The following USP33 variants were observed in gnomAD, a reference collection of about 807,000 sequenced individuals.
USP33 encodes ubiquitin specific peptidase 33.
In USP33, 46 loss-of-function variants were observed where a neutral mutation model predicts 124.2. The observed-to-expected ratio is 0.37, with a 90% confidence interval of 0.29 to 0.47. The LOEUF is 0.47. USP33 is among the 20% of genes least tolerant of loss of function. USP33 has a pLI of 0.99. For synonymous variants in USP33, 350 were observed against 352.3 expected (o/e 0.99, Z 0.07); for missense variants, 851 against 1,070.6 (o/e 0.79, Z 2.86).
At chr1:77,750,628 GAA>G (rs202159259) in intron 1 of USP33, among the ~76,000 whole-genome samples, 261 of 35,430 alleles carry the variant, frequency 7.4e-3, no homozygotes, top group Non-Finnish European at 0.011. Context: ...ACTTAAAAAA[GAA>G]AGAAAGAAAG....
chr1:77,722,109 G>A lies in USP33; in HGVS notation c.1477C>T (p.Pro493Ser). Residue 493 changes from proline to serine, a missense_variant, in exon 13 of 24, where the codon CCA becomes TCA. Pro to Ser is a moderately conservative substitution (Grantham distance 74). Coordinates refer to ENST00000370794, the MANE Select transcript of USP33 (RefSeq NM_201624.3). ...DLAKLHSSSH[P>S]TSIVKAGSCG... ...GATCCTGCTTTGACTATAGAAGTTGGATGACTTGATGAATGCAGCTTAGCA... is the reference window on the plus strand; with the variant it reads ...GATCCTGCTTTGACTATAGAAGTTGAATGACTTGATGAATGCAGCTTAGCA... 1 of 1,614,104 alleles carries A rather than the reference G, an allele frequency of 6.2e-7. No homozygotes were observed. Among genetic ancestry groups the A allele is most frequent in the Non-Finnish European group, 8.5e-7 (1 of 1,179,970 alleles).
chr1:77,734,145 G>A (rs1006581466), intron 7 of USP33, among the ~76,000 whole-genome samples: 1 of 152,116 alleles, frequency 6.6e-6, no homozygotes, highest in Non-Finnish European at 1.5e-5. Context: ...CAACTACCCA[G>A]GGTTTACACA....
chr1:77,702,690 T>C (rs1674178391), intron 21 of USP33, among the ~76,000 whole-genome samples: 1 of 152,134 alleles, frequency 6.6e-6, no homozygotes. Context: ...TTCAGGTAGA[T>C]ACTCAGGGCT....
intron 19 of USP33, 194 bp from the exon 20 acceptor site, chr1:77,713,475 C>A: frequency 2.1e-6 from 1 of 487,704 alleles, no homozygotes; most frequent in Non-Finnish European, 3.5e-6. Flanking sequence ...CCTCAAAATT[C>A]CTGGGCTCAA....
chr1:77,736,713 G>A (rs771605174), intron 5 of USP33, among the ~76,000 whole-genome samples: 17 of 151,842 alleles, frequency 1.1e-4, no homozygotes, highest in Non-Finnish European at 2.1e-4. Context: ...GGGTTCAAAC[G>A]CTTCTCCTGC....
rs1243499199 is a variant in USP33, at chr1:77,697,254, G to T, written c.*63C>A. ...TAAACACGCTTTTAGGAATGTTTTCGCATGTGTACATGTCAGGGCACATGA... is the reference window on the plus strand; with the variant it reads ...TAAACACGCTTTTAGGAATGTTTTCTCATGTGTACATGTCAGGGCACATGA... On this transcript the variant is annotated 3_prime_UTR_variant, in exon 24 of 24. Coordinates refer to ENST00000370794, the MANE Select transcript of USP33 (RefSeq NM_201624.3). The T allele has an allele frequency of 4.4e-6, 6 of 1,349,504 alleles. No individual in the cohort carries two copies. Among genetic ancestry groups the T allele is most frequent in the Non-Finnish European group, 5.9e-6 (6 of 1,015,024 alleles). The allele number at this position is 1,349,504 out of a possible 1,614,324, so 83.6% of individuals were successfully genotyped here.
At chr1:77,717,636 TC>T (rs1461646503) in intron 17 of USP33, 1 of 290,876 alleles carries the variant, frequency 3.4e-6, no homozygotes, top group East Asian at 5.6e-5. Flanking sequence ...TAACATTTTT[TC>T]TTTTATTCAG....
chr1:77,745,104 C>T (rs1044594101), intron 1 of USP33, among the ~76,000 whole-genome samples: 2 of 152,146 alleles, frequency 1.3e-5, no homozygotes, highest in African/African-American at 2.4e-5. Flanking sequence ...AATGTGGGTG[C>T]TCCTGTATTG....
At chr1:77,742,227 C>T (rs1218595515) in intron 1 of USP33, among the ~76,000 whole-genome samples, 1 of 151,952 alleles carries the variant, frequency 6.6e-6, no homozygotes, top group African/African-American at 2.4e-5. Context: ...TAAATTAAAT[C>T]ATCTGGTATC....
rs376670008 is a variant in USP33 at position 77,697,706 on chromosome 1, T to TA, written c.2578+156dup. 1.5e-3 allele frequency: 1,354 copies of TA among 907,512 alleles called. 1 individual carries two copies. Among genetic ancestry groups the TA allele is most frequent in the Middle Eastern group, 2.8e-3 (8 of 2,866 alleles). The allele number at this position is 907,512 out of a possible 1,614,324, so 56.2% of individuals were successfully genotyped here. On this transcript the variant is annotated intron_variant, in intron 23 of 23. Transcript: ENST00000370794. ...AACAGCCTTAAGACCTTTCCTCAGA[T>TA]AAAAAAAAAGTGGCTGCTTTTCATT...
intron 21 of USP33, among the ~76,000 whole-genome samples, chr1:77,704,906 G>A (rs1674445362): frequency 1.3e-5 from 2 of 152,128 alleles, no homozygotes; most frequent in African/African-American, 4.8e-5. Context: ...GCCTGGTACA[G>A]TGCAACAGGC....
chr1:77,701,498 C>G (rs1183739912), intron 21 of USP33, 27 bp from the exon 22 acceptor site: 4 of 1,567,506 alleles, frequency 2.6e-6, no homozygotes, highest in Non-Finnish European at 3.5e-6. Context: ...AAACAGTCAT[C>G]TAATATCTAA....
At chr1:77,736,793 A>C (rs1028816203) in intron 5 of USP33, among the ~76,000 whole-genome samples, 1 of 152,052 alleles carries the variant, frequency 6.6e-6, no homozygotes, top group African/African-American at 2.4e-5. Flanking sequence ...TATTTTTAGT[A>C]GAGAAGGGGT....
intron 5 of USP33, among the ~76,000 whole-genome samples, chr1:77,738,194 A>G (rs903466342): frequency 3.3e-5 from 5 of 152,224 alleles, no homozygotes; most frequent in African/African-American, 1.2e-4. Flanking sequence ...AATATCTACC[A>G]TAAGAATGTG....
chr1:77,732,533 A>C (rs907129893), intron 7 of USP33, among the ~76,000 whole-genome samples: 2 of 152,134 alleles, frequency 1.3e-5, no homozygotes, highest in Admixed American at 1.3e-4. Context: ...TACTACACAA[A>C]CACTTCAATG....
intron 21 of USP33, among the ~76,000 whole-genome samples, chr1:77,707,607 C>T (rs988918258): frequency 6.6e-6 from 1 of 152,140 alleles, no homozygotes; most frequent in Non-Finnish European, 1.5e-5. Context: ...TTTAGTATTT[C>T]CATACTCAGA....
rs1471402660 is a variant in USP33 at position 77,721,190 on chromosome 1, C to T, written c.1673G>A (p.Ser558Asn). 1 of 1,613,830 alleles carries T rather than the reference C, an allele frequency of 6.2e-7. No homozygotes were observed. The highest frequency in any genetic ancestry group is 8.5e-7 in the Non-Finnish European group (1 of 1,179,900). ...CACTTACTTTTTGCATTTTTCACAA[C>T]TGTACATATTGTCACCTGCAAATAA... ...RDELKGDNMY[S>N]CEKCKKLRNG... The change falls in exon 15 of 24, where the codon AGT becomes AAT. Residue 558 changes from serine to asparagine, a missense_variant. Coordinates refer to ENST00000370794, the MANE Select transcript of USP33 (RefSeq NM_201624.3).
intron 23 of USP33, 67 bp from the exon 24 acceptor site, chr1:77,697,541 T>A (rs944037577): frequency 6.7e-7 from 1 of 1,497,532 alleles, no homozygotes; most frequent in African/African-American, 1.4e-5. Flanking sequence ...GCGTTCATAA[T>A]GTACCCCCCA....
intron 17 of USP33, chr1:77,717,490 CA>C (rs575507467): frequency 2.2e-3 from 233 of 107,778 alleles, no homozygotes; most frequent in Admixed American, 3.3e-3. Flanking sequence ...ACTCTGTCTC[CA>C]AAAAAAAAAA....
Sources: gnomAD v4.1 joint callset for allele counts (sites outside exome capture counted in the v4.1 genomes callset) on GRCh38, gnomAD v4.1.1 for gene constraint, MANE v1.5 for transcripts, NCBI Gene and HGNC (gene_info 2026-07-23, HGNC 2026-07-21) for gene names.